SPACA6: variants seen among roughly 807,000 people sequenced by gnomAD.
The protein encoded by SPACA6 is sperm acrosome associated 6, also known as sperm acrosome membrane-associated protein 6.
For missense variants in SPACA6, 8 were observed against 2.8 expected (o/e 2.88, Z -1.34); for synonymous variants, 6 against 1.5 (o/e 4.05, Z -2.21).
intron 2 of SPACA6, among the ~76,000 whole-genome samples, chr19:51,696,839 C>T (rs974121229): frequency 3.3e-5 from 5 of 152,158 alleles, no homozygotes; most frequent in Non-Finnish European, 7.3e-5. Flanking sequence ...GTGACAGCGA[C>T]AGCCATGCAG....
chr19:51,690,026 CGAG>C (rs1318630408), upstream of SPACA6, among the ~76,000 whole-genome samples: 2 of 65,338 alleles, frequency 3.1e-5, no homozygotes. Flanking sequence ...GGGAGGGGGC[CGAG>C]GAGGAGGGGG....
chr19:51,694,025 A>T (rs2083402289), intron 1 of SPACA6: 3 of 292,160 alleles, frequency 1.0e-5, no homozygotes. Flanking sequence ...GGAGACTCGG[A>T]AAGATGGAGA....
At chr19:51,691,694 G>T (rs1005186365), upstream of SPACA6, among the ~76,000 whole-genome samples, 2 of 152,046 alleles carry the variant, frequency 1.3e-5, no homozygotes, top group African/African-American at 4.8e-5. Flanking sequence ...GACCTGGACT[G>T]CGAGAAAGGA....
upstream of SPACA6, among the ~76,000 whole-genome samples, chr19:51,691,401 G>T (rs1160168930): frequency 6.6e-6 from 1 of 150,940 alleles, no homozygotes; most frequent in Non-Finnish European, 1.5e-5. Flanking sequence ...AGGGGGTGGA[G>T]AAGGGTGAGA....
At chr19:51,697,616 A>C (rs892154471) in intron 2 of SPACA6, among the ~76,000 whole-genome samples, 2 of 152,138 alleles carry the variant, frequency 1.3e-5, no homozygotes, top group Non-Finnish European at 2.9e-5. Context: ...TAGGTGGGTG[A>C]GGGCAATGGG....
chr19:51,699,243 A>G (rs1198087425), intron 2 of SPACA6, among the ~76,000 whole-genome samples: 4 of 152,152 alleles, frequency 2.6e-5, no homozygotes, highest in Non-Finnish European at 1.5e-5. Flanking sequence ...TCCTGGCCTC[A>G]AGTGATCCTG....
At chr19:51,698,842 A>G (rs1225897399) in intron 2 of SPACA6, among the ~76,000 whole-genome samples, 1 of 152,198 alleles carries the variant, frequency 6.6e-6, no homozygotes, top group Non-Finnish European at 1.5e-5. Context: ...ACTTAAGGCT[A>G]ATATGGCACC....
At chr19:51,698,682 C>A (rs1310575988) in intron 2 of SPACA6, among the ~76,000 whole-genome samples, 2 of 152,202 alleles carry the variant, frequency 1.3e-5, no homozygotes, top group Non-Finnish European at 2.9e-5. Context: ...ATCCAGTGAT[C>A]ATTGTTTTAG....
At chr19:51,709,199 C>T (rs1187477461), downstream of SPACA6, among the ~76,000 whole-genome samples, 2 of 143,068 alleles carry the variant, frequency 1.4e-5, no homozygotes, top group African/African-American at 5.3e-5. Context: ...ACCTGGGCTA[C>T]AGAGTGAGAA....
chr19:51,696,169 TAG>T (rs2083429514), intron 2 of SPACA6, among the ~76,000 whole-genome samples: 1 of 151,838 alleles, frequency 6.6e-6, no homozygotes, highest in South Asian at 2.1e-4. Flanking sequence ...GCTCTGGGTG[TAG>T]AAAGAACCCT....
upstream of SPACA6, chr19:51,689,257 G>A (rs1296132515): frequency 6.6e-6 from 1 of 152,214 alleles, no homozygotes; most frequent in Non-Finnish European, 1.5e-5. Flanking sequence ...TCCGGGGCAG[G>A]GGGGAAGCCA....
At chr19:51,705,798 G>A (rs2083513233), downstream of SPACA6, among the ~76,000 whole-genome samples, 1 of 152,088 alleles carries the variant, frequency 6.6e-6, no homozygotes. Context: ...CCGGGTTCAA[G>A]CGATTCTTCT....
upstream of SPACA6, among the ~76,000 whole-genome samples, chr19:51,691,522 A>G (rs921797063): frequency 2.6e-5 from 4 of 150,968 alleles, no homozygotes; most frequent in Admixed American, 2.6e-4. Flanking sequence ...CAGGAGAAAG[A>G]GGGGGAGAGA....
downstream of SPACA6, among the ~76,000 whole-genome samples, chr19:51,709,614 CA>C (rs56844884): frequency 0.15 from 13,886 of 93,052 alleles, 1,017 homozygotes; most frequent in East Asian, 0.55. Context: ...GACTCTGTCA[CA>C]AAAAAAAAAA....
At position 51,703,126 on chromosome 19, in the gene SPACA6, G is replaced by C; in HGVS notation, c.463+28G>C. ...GAGGGGGCGGGGCCTCGGGGTGCAG[G>C]AGGCCAACCTGAGAAAAGGGACCAG... On this transcript the variant is annotated intron_variant, in intron 5 of 8. Transcript: ENST00000637797. The surrounding 1 kb of genome is among the most constrained non-coding windows in gnomAD (Gnocchi z 4.2). 1 of 399,480 alleles carries C rather than the reference G, an allele frequency of 2.5e-6. No individual in the cohort carries two copies. Among genetic ancestry groups the C allele is most frequent in the Non-Finnish European group, 4.4e-6 (1 of 226,396 alleles). 24.7% of individuals were successfully genotyped at this position (399,480 alleles called of 1,614,324 possible).
chr19:51,712,375 A>G (rs2083546207), exon 3 of SPACA6: 1 of 152,082 alleles, frequency 6.6e-6, no homozygotes, highest in African/African-American at 2.4e-5. Flanking sequence ...AATATGGACA[A>G]CTCTCCCAAG....
At chr19:51,692,263 G>A (rs895832450), upstream of SPACA6, among the ~76,000 whole-genome samples, 1 of 152,158 alleles carries the variant, frequency 6.6e-6, no homozygotes, top group Non-Finnish European at 1.5e-5. This position sits in a 1 kb window ranked among gnomAD's most constrained non-coding sequence, Gnocchi z 5.6. Flanking sequence ...CAGGAAGCCA[G>A]GTTTTCTATC....
At chr19:51,691,110 C>A (rs1342464788), upstream of SPACA6, among the ~76,000 whole-genome samples, 1 of 151,928 alleles carries the variant, frequency 6.6e-6, no homozygotes, top group African/African-American at 2.4e-5. Flanking sequence ...GTCGCTACCC[C>A]AGCCCTGGGC....
chr19:51,691,396 G>T (rs1228942215), upstream of SPACA6, among the ~76,000 whole-genome samples: 1 of 151,076 alleles, frequency 6.6e-6, no homozygotes, highest in Non-Finnish European at 1.5e-5. Context: ...AAAAAAGGGG[G>T]TGGAGAAGGG....
Sources: allele counts gnomAD v4.1 joint callset (sites outside exome capture counted in the v4.1 genomes callset), GRCh38; gene constraint gnomAD v4.1.1; non-coding constraint Gnocchi (gnomAD v3.1); transcripts MANE v1.5; gene names NCBI Gene and HGNC (gene_info 2026-07-23, HGNC 2026-07-21).